The following ASRGL1 variants were observed in gnomAD, a reference collection of about 807,000 sequenced individuals.
ASRGL1 encodes isoaspartyl peptidase/L-asparaginase.
Under a neutral mutation model 22.4 loss-of-function variants are expected in ASRGL1, and 16 were observed. The ratio of observed to expected loss-of-function variants is 0.71; its 90% CI spans 0.48 to 1.08. The LOEUF is 1.08. Among genes scored for constraint, ASRGL1 ranks in the 50% least tolerant of loss-of-function variants. ASRGL1 has a pLI of 0.00. For missense variants in ASRGL1, 412 were observed against 410.1 expected (o/e 1.00, Z -0.04); for synonymous variants, 165 against 159.3 (o/e 1.04, Z -0.27).
In ASRGL1 at chr11:62,357,002, C is replaced by T; in HGVS notation, c.349C>T (p.Leu117=). The change falls in exon 4 of 7, where the codon CTG becomes TTG. Residue 117 remains leucine, a synonymous_variant. Transcript: ENST00000415229. ...TCTGGCTCAGACACCTCATTGCTTT[C>T]TGACTGACCAAGGCGCAGCGCAGTT... is the stretch of plus-strand genomic sequence containing the variant. The part of the protein sequence containing the change: ...LVMEKTPHCF[L]TDQGAAQFAA... 1 of 1,605,178 alleles carries T rather than the reference C, an allele frequency of 6.2e-7. No individual in the cohort carries two copies. Among genetic ancestry groups the T allele is most frequent in the African/African-American group, 1.3e-5 (1 of 74,244 alleles).
Position 62,354,948 on chromosome 11 carries a change from A to AT in ASRGL1, c.191-1366dup, listed in dbSNP as rs113051818. Among the ~76,000 whole-genome samples the AT allele has an allele frequency of 7.1e-3, 1,045 of 147,950 alleles. 3 individuals carry two copies. Among genetic ancestry groups the AT allele is most frequent in the Middle Eastern group, 0.048 (14 of 292 alleles). ...TGGAGTGCCAAGTCAGATTTCTTTT[A>AT]TTTTTTTTTTTGAAACGGAGTCTCA... On this transcript the variant is annotated intron_variant, in intron 2 of 6. Transcript: ENST00000415229.
In ASRGL1 at chr11:62,348,308, T is replaced by A. The variant is rs113194350; in HGVS notation, c.191-8017T>A. On this transcript the variant is annotated intron_variant, in intron 2 of 6. Coordinates refer to ENST00000415229, the MANE Select transcript of ASRGL1 (RefSeq NM_001083926.2). ...ATGTGGGAGATGGAGTTAGTACTCA[T>A]CATCTCTTCCAAAGCTCCTGGGTTA... 5.1e-3 allele frequency among the ~76,000 whole-genome samples: 778 copies of A among 152,270 alleles called. 2 individuals are homozygous for A. The highest frequency in any genetic ancestry group is 0.015 in the African/African-American group (617 of 41,526).
chr11:62,357,233 T>TGTTTTGTTTTGTTTG (rs1428259492), intron 4 of ASRGL1, 89 bp downstream of exon 4: 1 of 927,472 alleles, frequency 1.1e-6, no homozygotes, highest in African/African-American at 1.8e-5. Context: ...TCTTTTGTTT[T>TGTTTTGTTTTGTTTG]GTTTTGTTTT....
At chr11:62,338,411 C>G in intron 2 of ASRGL1, 1 of 440,428 alleles carries the variant, frequency 2.3e-6, no homozygotes, top group Admixed American at 4.0e-5. Context: ...CTTGGGAAAT[C>G]CTGAGAATGT....
intron 4 of ASRGL1, among the ~76,000 whole-genome samples, chr11:62,362,543 A>AAT (rs1335220287): frequency 0.35 from 14,005 of 40,474 alleles, 4,055 homozygotes; most frequent in Non-Finnish European, 0.45. Flanking sequence ...TATTATATAA[A>AAT]ATATATAACA....
At position 62,392,318 on chromosome 11, in the gene ASRGL1, A is replaced by G. The variant is rs550573352; in HGVS notation, c.*34A>G. ...AAGATTGTATTCCAGATGCTAGCTT[A>G]GAGGTCAAGTACAGTCTCCTCATGA... On this transcript the variant is annotated 3_prime_UTR_variant, in exon 7 of 7. Transcript: ENST00000415229. 3 of 1,608,910 alleles carry G rather than the reference A, an allele frequency of 1.9e-6. No homozygotes were observed. The highest frequency in any genetic ancestry group is 2.7e-5 in the African/African-American group (2 of 74,938).
Position 62,356,068 on chromosome 11 carries a change from A to G in ASRGL1, c.191-257A>G, listed in dbSNP as rs1469766814. Among the ~76,000 whole-genome samples the G allele has an allele frequency of 3.9e-5, 6 of 151,924 alleles. No homozygotes were observed. The East Asian group carries it at 7.7e-4, about 20-fold the overall frequency. ...CATCCGACTTCTCAATCTTTTCCCC[A>G]CCTTTCCCCCCTTTCTATTCCACAA... On this transcript the variant is annotated intron_variant, in intron 2 of 6. Transcript: ENST00000415229.
chr11:62,366,644 T>C (rs1946617607), intron 4 of ASRGL1, among the ~76,000 whole-genome samples: 1 of 151,992 alleles, frequency 6.6e-6, no homozygotes, highest in Non-Finnish European at 1.5e-5. Context: ...TTTTTCCCTT[T>C]CTTATCAGTC....
At chr11:62,386,466 TATC>T (rs1218537984) in intron 4 of ASRGL1, among the ~76,000 whole-genome samples, 1 of 149,030 alleles carries the variant, frequency 6.7e-6, no homozygotes. Context: ...ATATCATACA[TATC>T]ATAGATATGT....
chr11:62,395,759 C>CTTTTTTTTTTTT (rs564952668), downstream of ASRGL1, among the ~76,000 whole-genome samples: 2 of 71,942 alleles, frequency 2.8e-5, no homozygotes, highest in Non-Finnish European at 5.2e-5. Flanking sequence ...GTAGCTGTTT[C>CTTTTTTTTTTTT]TTTTTTTTTT....
intron 2 of ASRGL1, among the ~76,000 whole-genome samples, 164 bp from the exon 3 acceptor site, chr11:62,356,161 C>A (rs571492284): frequency 6.6e-6 from 1 of 152,312 alleles, no homozygotes; most frequent in African/African-American, 2.4e-5. Flanking sequence ...AGGGTGGTGG[C>A]GGGGCAGAGG....
At chr11:62,353,899 T>C (rs1946220846) in intron 2 of ASRGL1, among the ~76,000 whole-genome samples, 2 of 152,214 alleles carry the variant, frequency 1.3e-5, no homozygotes, top group Admixed American at 6.5e-5. Context: ...ATGGAAAAGA[T>C]GTGAGCTTCT....
intron 2 of ASRGL1, among the ~76,000 whole-genome samples, chr11:62,351,478 C>T (rs1219466845): frequency 6.6e-6 from 1 of 151,852 alleles, no homozygotes; most frequent in Non-Finnish European, 1.5e-5. Flanking sequence ...GGTGAAACGC[C>T]GTCCCTACTA....
rs1246615599 is a variant in ASRGL1, at chr11:62,338,155, G to A, written c.178G>A (p.Glu60Lys). The change falls in exon 2 of 7, where the codon GAG becomes AAG. Residue 60 changes from glutamate (E) to lysine (K), a missense_variant. Transcript: ENST00000415229. The part of the protein sequence containing the change: ...GAVVALEDDP[E>K]FNAGCGSVLN... ...TGTCGTCGCCCTGGAAGACGATCCC[G>A]AGTTCAACGCAGGTAAATGTGCCTT... 2 of 1,576,660 alleles carry A rather than the reference G, an allele frequency of 1.3e-6. No homozygotes were observed. Among genetic ancestry groups the A allele is most frequent in the African/African-American group, 1.4e-5 (1 of 73,996 alleles).
At chr11:62,354,776 T>C (rs982182320) in intron 2 of ASRGL1, among the ~76,000 whole-genome samples, 5 of 152,090 alleles carry the variant, frequency 3.3e-5, no homozygotes, top group Non-Finnish European at 5.9e-5. Flanking sequence ...AACTGAAACC[T>C]CAGAAGCAAG....
intron 4 of ASRGL1, among the ~76,000 whole-genome samples, chr11:62,363,088 C>T (rs1393170880): frequency 2.0e-5 from 3 of 150,292 alleles, no homozygotes; most frequent in Non-Finnish European, 3.0e-5. Context: ...CGCCCGCCAC[C>T]ACGCCCGGCT....
chr11:62,343,730 C>CAAAAA (rs71053038), intron 2 of ASRGL1, among the ~76,000 whole-genome samples: 1 of 68,948 alleles, frequency 1.5e-5, no homozygotes, highest in African/African-American at 7.0e-5. Flanking sequence ...TCCAGCTCCA[C>CAAAAA]AAAAAAAAAA....
At chr11:62,372,727 G>T in intron 4 of ASRGL1, 2 of 1,464,032 alleles carry the variant, frequency 1.4e-6, no homozygotes, top group Non-Finnish European at 9.6e-7. Context: ...ATGGTCCCCC[G>T]CCTGGTGAAG....
At chr11:62,342,928 A>G (rs1777459600) in intron 2 of ASRGL1, among the ~76,000 whole-genome samples, 1 of 152,244 alleles carries the variant, frequency 6.6e-6, no homozygotes. Context: ...TGGTTTAACC[A>G]TGTAATAGCT....
Sources: allele counts gnomAD v4.1 joint callset (sites outside exome capture counted in the v4.1 genomes callset), GRCh38; gene constraint gnomAD v4.1.1; transcripts MANE v1.5; gene names NCBI Gene and HGNC (gene_info 2026-07-23, HGNC 2026-07-21).